Variants in SDK1 observed in about 807,000 individuals in gnomAD.
The protein encoded by SDK1 is protein sidekick-1.
Under a neutral mutation model 245.5 loss-of-function variants are expected in SDK1, and 157 were observed. That is an observed-to-expected ratio of 0.64 (90% CI 0.56 to 0.73). SDK1 has a LOEUF of 0.73. Among genes scored for constraint, SDK1 ranks in the 30% least tolerant of loss-of-function variants. The pLI is 0.00. For synonymous variants in SDK1, 1,647 were observed against 1,278.5 expected (o/e 1.29, Z -6.15); for missense variants, 3,583 against 3,002.3 (o/e 1.19, Z -4.52).
intron 4 of SDK1, among the ~76,000 whole-genome samples, chr7:3,787,315 C>T (rs1196936538): frequency 2.6e-5 from 4 of 152,094 alleles, no homozygotes; most frequent in Admixed American, 6.5e-5. Flanking sequence ...ACATAAGCAT[C>T]TAAACTCTGA....
Position 3,666,561 on chromosome 7 carries a change from G to A in SDK1, c.713+24456G>A, listed in dbSNP as rs147080580. ...CTCCCTGTTGCAGGTCTTGTCTGCCGTGTGCTGCCATGGCTTGGGCCTTGC... is the reference window on the plus strand; with the variant it reads ...CTCCCTGTTGCAGGTCTTGTCTGCCATGTGCTGCCATGGCTTGGGCCTTGC... On this transcript the variant is annotated intron_variant, in intron 4 of 44. Transcript: ENST00000404826. Among the ~76,000 whole-genome samples the A allele has an allele frequency of 2.4e-3, 363 of 152,248 alleles. 1 individual carries two copies. Among genetic ancestry groups the A allele is most frequent in the Non-Finnish European group, 4.1e-3 (281 of 68,030 alleles).
At chr7:4,176,158 T>C (rs1313803912) in intron 34 of SDK1, among the ~76,000 whole-genome samples, 1 of 151,970 alleles carries the variant, frequency 6.6e-6, no homozygotes, top group African/African-American at 2.4e-5. Context: ...TTCTTTTCTT[T>C]TCTTTACTTT....
At chr7:3,765,296 C>T (rs1423256123) in intron 4 of SDK1, among the ~76,000 whole-genome samples, 1 of 152,044 alleles carries the variant, frequency 6.6e-6, no homozygotes, top group Non-Finnish European at 1.5e-5. Flanking sequence ...GAATATACCA[C>T]CAATGAATTT....
intron 4 of SDK1, among the ~76,000 whole-genome samples, chr7:3,791,933 G>C (rs938538672): frequency 1.3e-5 from 2 of 151,910 alleles, no homozygotes; most frequent in African/African-American, 4.8e-5. Context: ...AAACCAGCCT[G>C]GGCAACACAG....
At chr7:3,457,370 T>C (rs1470056382) in intron 1 of SDK1, among the ~76,000 whole-genome samples, 1 of 152,176 alleles carries the variant, frequency 6.6e-6, no homozygotes, top group Non-Finnish European at 1.5e-5. Flanking sequence ...TTAACTTTTT[T>C]TTCTGATTCT....
chr7:3,994,299 A>T (rs1170236288), intron 14 of SDK1, among the ~76,000 whole-genome samples: 1 of 152,110 alleles, frequency 6.6e-6, no homozygotes, highest in Non-Finnish European at 1.5e-5. Flanking sequence ...CTCCAACTCT[A>T]AAATAGAACT....
intron 1 of SDK1, among the ~76,000 whole-genome samples, chr7:3,598,359 A>G (rs1041482831): frequency 2.0e-5 from 3 of 152,046 alleles, no homozygotes; most frequent in Non-Finnish European, 2.9e-5. Flanking sequence ...TTCTTATTCA[A>G]CTCAACAGTG....
At chr7:3,692,484 T>C (rs1486263522) in intron 4 of SDK1, among the ~76,000 whole-genome samples, 1 of 152,158 alleles carries the variant, frequency 6.6e-6, no homozygotes, top group Admixed American at 6.5e-5. Flanking sequence ...TATTTTTCAA[T>C]AACATATTTT....
intron 35 of SDK1, among the ~76,000 whole-genome samples, chr7:4,199,042 T>C (rs1366091002): frequency 6.6e-6 from 1 of 152,156 alleles, no homozygotes; most frequent in Non-Finnish European, 1.5e-5. Context: ...CTTGACCTCC[T>C]GACTTCAGGT....
chr7:3,783,247 A>C (rs1780801220), intron 4 of SDK1, among the ~76,000 whole-genome samples: 1 of 152,224 alleles, frequency 6.6e-6, no homozygotes, highest in Admixed American at 6.5e-5. Context: ...AGAGAATCCC[A>C]CAATTAAAAT....
chr7:4,220,867 G>A (rs1458168755), intron 39 of SDK1, among the ~76,000 whole-genome samples: 10 of 151,434 alleles, frequency 6.6e-5, no homozygotes, highest in South Asian at 4.2e-4. Flanking sequence ...AACCTCCCCC[G>A]GCTGAAGCGA....
intron 1 of SDK1, among the ~76,000 whole-genome samples, chr7:3,326,087 GTAGT>G (rs971476077): frequency 5.9e-5 from 9 of 152,186 alleles, no homozygotes; most frequent in African/African-American, 1.9e-4. Context: ...ACTTAATAAG[GTAGT>G]TAGTTTTTTA....
At chr7:3,403,563 C>G (rs1310624255) in intron 1 of SDK1, among the ~76,000 whole-genome samples, 1 of 151,128 alleles carries the variant, frequency 6.6e-6, no homozygotes, top group Non-Finnish European at 1.5e-5. Flanking sequence ...TTTATTTGCA[C>G]CTATGAGAAA....
At chr7:4,012,983 G>A (rs1348289323) in intron 16 of SDK1, among the ~76,000 whole-genome samples, 1 of 152,230 alleles carries the variant, frequency 6.6e-6, no homozygotes, top group Non-Finnish European at 1.5e-5. Flanking sequence ...TTATTAGCCA[G>A]TTGTCACCAT....
intron 20 of SDK1, 90 bp from the exon 21 acceptor site, chr7:4,076,908 G>A: frequency 8.6e-7 from 1 of 1,166,612 alleles, no homozygotes; most frequent in South Asian, 1.4e-5. Flanking sequence ...GCTCTCCATA[G>A]CTCCAAGCCT....
intron 1 of SDK1, among the ~76,000 whole-genome samples, chr7:3,477,583 T>C (rs1324419919): frequency 6.6e-6 from 1 of 151,556 alleles, no homozygotes; most frequent in African/African-American, 2.4e-5. Flanking sequence ...GGTGCAGTCA[T>C]AGCTCGCTGC....
chr7:3,370,702 G>C (rs748581367), intron 1 of SDK1, among the ~76,000 whole-genome samples: 85 of 152,184 alleles, frequency 5.6e-4, no homozygotes, highest in Non-Finnish European at 9.7e-4. Context: ...AATGGTCTTG[G>C]ACTATATAGC....
Position 4,241,833 on chromosome 7 carries a change from C to G in SDK1, c.6171C>G (p.Asp2057Glu). Residue 2057 changes from aspartate to glutamate, a missense_variant, in exon 43 of 45, where the codon GAC (aspartate) becomes GAG (glutamate). Asp to Glu is a conservative substitution (Grantham distance 45, BLOSUM62 2). Coordinates refer to ENST00000404826, the MANE Select transcript of SDK1 (RefSeq NM_152744.4). ...ISTMEESVTL[D>E]NGGFAALELS... ...CCATGGAGGAGTCTGTGACCCTGGA[C>G]AACGGAGGATTTGCTGCCCTGGAGC... The G allele has an allele frequency of 1.2e-6, 2 of 1,614,186 alleles. No homozygotes were observed. The highest frequency in any genetic ancestry group is 1.6e-4 in the Middle Eastern group (1 of 6,062).
chr7:3,724,363 A>G (rs1778946378), intron 4 of SDK1, among the ~76,000 whole-genome samples: 1 of 152,062 alleles, frequency 6.6e-6, no homozygotes, highest in Non-Finnish European at 1.5e-5. Flanking sequence ...GCTTGAGCCC[A>G]GGAGTTTGAG....
Sources: allele counts gnomAD v4.1 joint callset (sites outside exome capture counted in the v4.1 genomes callset), GRCh38; gene constraint gnomAD v4.1.1; transcripts MANE v1.5; gene names NCBI Gene and HGNC (gene_info 2026-07-23, HGNC 2026-07-21).